NME7: variants seen among roughly 807,000 people sequenced by gnomAD.
NME7 encodes NME/NM23 family member 7, also known as nucleoside diphosphate kinase 7.
Under a neutral mutation model 49.1 loss-of-function variants are expected in NME7, and 41 were observed. The ratio of observed to expected loss-of-function variants is 0.83; its 90% CI spans 0.65 to 1.08. NME7 has a LOEUF of 1.08. Ranked by LOEUF, NME7 falls within the 50% of genes least tolerant of loss-of-function variation. The probability of loss-of-function intolerance (pLI) is 0.00; values close to 1 mark genes in which losing one functional copy is unlikely to be tolerated. For synonymous variants in NME7, 139 were observed against 150.6 expected, an observed-to-expected ratio of 0.92 and a Z score of 0.56; for missense variants, 423 against 463.4, an observed-to-expected ratio of 0.91 and a Z score of 0.80.
intron 11 of NME7, among the ~76,000 whole-genome samples, chr1:169,136,765 C>A (rs189043517): frequency 5.9e-5 from 9 of 152,284 alleles, no homozygotes; most frequent in African/African-American, 2.2e-4. Context: ...CATTTATTTA[C>A]TACTTTATAG....
chr1:169,295,585 C>T (rs1345091728), intron 6 of NME7, among the ~76,000 whole-genome samples: 1 of 152,164 alleles, frequency 6.6e-6, no homozygotes. Flanking sequence ...TTGCATGTAT[C>T]TTTAACTTCC....
intron 1 of NME7, among the ~76,000 whole-genome samples, chr1:169,362,558 T>G (rs1653697926): frequency 6.6e-6 from 1 of 152,156 alleles, no homozygotes; most frequent in Non-Finnish European, 1.5e-5. Context: ...TTTGGAAGCC[T>G]CAACTATAAC....
chr1:169,166,419 G>A (rs901156635), intron 11 of NME7, among the ~76,000 whole-genome samples: 16 of 152,000 alleles, frequency 1.1e-4, no homozygotes, highest in Admixed American at 7.2e-4. Flanking sequence ...AAATCTTAAT[G>A]GAGCTAACAA....
chr1:169,146,681 T>C (rs1178408497), intron 11 of NME7, among the ~76,000 whole-genome samples: 2 of 152,194 alleles, frequency 1.3e-5, no homozygotes, highest in African/African-American at 2.4e-5. Context: ...GCCTTACTCC[T>C]TCCCTTCCTT....
rs141995119 is a variant in NME7 at position 169,278,681 on chromosome 1, A to G, written c.754+8622T>C. On this transcript the variant is annotated intron_variant, in intron 7 of 11. Coordinates refer to ENST00000367811, the MANE Select transcript of NME7 (RefSeq NM_013330.5). ...TTTGATCATGTGAAGCCTTCTCTCAACTCGTCAAAGTCATTCTCCATCCAG... is the reference window on the plus strand; with the variant it reads ...TTTGATCATGTGAAGCCTTCTCTCAGCTCGTCAAAGTCATTCTCCATCCAG... Among the ~76,000 whole-genome samples the G allele has an allele frequency of 4.0e-4, 61 of 151,998 alleles. No individual in the cohort carries two copies. The East Asian group carries it at 0.011, about 27-fold the overall frequency.
chr1:169,351,822 G>A (rs919183251), intron 1 of NME7, among the ~76,000 whole-genome samples: 1 of 151,778 alleles, frequency 6.6e-6, no homozygotes, highest in Non-Finnish European at 1.5e-5. Flanking sequence ...TTAAAAATCT[G>A]TAAAAAATCA....
intron 7 of NME7, among the ~76,000 whole-genome samples, chr1:169,254,349 G>A (rs952563945): frequency 8.6e-5 from 13 of 151,900 alleles, no homozygotes; most frequent in Non-Finnish European, 1.3e-4. Context: ...GTTTATTTGC[G>A]TAGAGGTGTT....
At chr1:169,215,593 T>C (rs1316083202) in intron 10 of NME7, among the ~76,000 whole-genome samples, 1 of 149,216 alleles carries the variant, frequency 6.7e-6, no homozygotes, top group African/African-American at 2.5e-5. Context: ...AAAGGAGAGG[T>C]GACTCATTTT....
intron 10 of NME7, among the ~76,000 whole-genome samples, chr1:169,187,750 A>G (rs947316787): frequency 3.3e-5 from 5 of 152,154 alleles, no homozygotes; most frequent in African/African-American, 1.2e-4. Flanking sequence ...GCCCATTTAC[A>G]TTTAAGGTTA....
intron 7 of NME7, among the ~76,000 whole-genome samples, chr1:169,254,556 T>A (rs1338397444): frequency 6.6e-6 from 1 of 151,602 alleles, no homozygotes; most frequent in Non-Finnish European, 1.5e-5. Context: ...TTTGTATCTC[T>A]ATTTCCTTCA....
chr1:169,292,944 G>T (rs774983767), intron 6 of NME7, among the ~76,000 whole-genome samples: 9 of 152,020 alleles, frequency 5.9e-5, no homozygotes, highest in Non-Finnish European at 7.4e-5. Context: ...AAGAATACTG[G>T]CTCCCAAATT....
At chr1:169,313,851 T>C (rs1651506527) in intron 3 of NME7, among the ~76,000 whole-genome samples, 1 of 151,996 alleles carries the variant, frequency 6.6e-6, no homozygotes, top group Non-Finnish European at 1.5e-5. Context: ...TATCAGGTAA[T>C]AGAAAACTGT....
intron 5 of NME7, among the ~76,000 whole-genome samples, chr1:169,299,109 A>G (rs1018707682): frequency 1.3e-5 from 2 of 152,174 alleles, no homozygotes; most frequent in Non-Finnish European, 2.9e-5. Context: ...TTTTATTTAC[A>G]TGTGTTTACC....
chr1:169,133,247 A>ATC (rs71121724), intron 11 of NME7, among the ~76,000 whole-genome samples: 90,449 of 151,926 alleles, frequency 0.6, 27,149 homozygotes, highest in East Asian at 0.82. Flanking sequence ...GAAGATAAAA[A>ATC]AGCTTTCCAA....
chr1:169,270,867 G>T (rs1649468740), intron 7 of NME7, among the ~76,000 whole-genome samples: 1 of 133,686 alleles, frequency 7.5e-6, no homozygotes, highest in African/African-American at 2.5e-5. Context: ...GGCAGAGCCA[G>T]AATTCAAACC....
rs149629872 is a variant in NME7, at chr1:169,236,372, C to G, written c.820-1173G>C. Among the ~76,000 whole-genome samples the G allele has an allele frequency of 7.3e-3, 1,106 of 152,250 alleles. 8 individuals carry two copies. The highest frequency in any genetic ancestry group is 0.012 in the Non-Finnish European group (847 of 67,970). ...ACCCAAGATTCAGAAATAGATCTTT[C>G]TGACTCCACAAGTCCACGACTGTGT... On this transcript the variant is annotated intron_variant, in intron 8 of 11. Coordinates refer to ENST00000367811, the MANE Select transcript of NME7 (RefSeq NM_013330.5).
chr1:169,316,663 G>A (rs1424506286), intron 3 of NME7, among the ~76,000 whole-genome samples: 1 of 152,158 alleles, frequency 6.6e-6, no homozygotes, highest in Non-Finnish European at 1.5e-5. Flanking sequence ...ATGTCAGTGT[G>A]AGGAGGACTC....
intron 10 of NME7, among the ~76,000 whole-genome samples, chr1:169,230,187 C>A (rs6703463): frequency 6.6e-6 from 1 of 151,662 alleles, no homozygotes; most frequent in Admixed American, 6.6e-5. Flanking sequence ...TACTTGTCAC[C>A]CCCCTACACC....
In NME7 at chr1:169,133,838, G is replaced by T. The variant is rs373350817; in HGVS notation, c.1099-1021C>A. Among the ~76,000 whole-genome samples the T allele has an allele frequency of 1.7e-4, 26 of 152,306 alleles. No individual in the cohort carries two copies. In the South Asian group the frequency reaches 2.3e-3, roughly 13 times the overall value. ...TAAGGTGTATGTGATATTTAAATTT[G>T]TGATGCTTGTGAATAAGGGAATGGG... On this transcript the variant is annotated intron_variant, in intron 11 of 11. Transcript: ENST00000367811.
Sources: gnomAD v4.1 joint callset for allele counts (sites outside exome capture counted in the v4.1 genomes callset) on GRCh38, gnomAD v4.1.1 for gene constraint, MANE v1.5 for transcripts, NCBI Gene and HGNC (gene_info 2026-07-23, HGNC 2026-07-21) for gene names.